The following ILRUN variants were observed in gnomAD, a reference collection of about 807,000 sequenced individuals.
ILRUN encodes protein ILRUN.
In ILRUN, 3 loss-of-function variants were observed where a neutral mutation model predicts 33.8. The ratio of observed to expected loss-of-function variants is 0.09; its 90% CI spans 0.04 to 0.23. The LOEUF is 0.23. Among genes scored for constraint, ILRUN ranks in the 10% least tolerant of loss-of-function variants. The pLI is 1.00. For missense variants in ILRUN, 210 were observed against 375.1 expected (o/e 0.56, Z 3.64); for synonymous variants, 124 against 138.9 (o/e 0.89, Z 0.75).
At chr6:34,609,610 C>T (rs1023470865) in intron 3 of ILRUN, among the ~76,000 whole-genome samples, 3 of 151,552 alleles carry the variant, frequency 2.0e-5, no homozygotes, top group Non-Finnish European at 4.4e-5. Context: ...GAGTGAGAGC[C>T]TATCTCCAAA....
At chr6:34,591,757 G>A (rs1357273074) in intron 4 of ILRUN, among the ~76,000 whole-genome samples, 2 of 152,198 alleles carry the variant, frequency 1.3e-5, no homozygotes, top group Admixed American at 6.5e-5. Flanking sequence ...CCAAAGTGCT[G>A]GGATTACAGG....
intron 1 of ILRUN, among the ~76,000 whole-genome samples, chr6:34,662,786 G>A (rs1562023305): frequency 6.6e-6 from 1 of 152,112 alleles, no homozygotes; most frequent in Admixed American, 6.6e-5. Context: ...CTTAAAAATC[G>A]GTAAGATGGG....
intron 3 of ILRUN, among the ~76,000 whole-genome samples, chr6:34,623,603 T>A (rs905873830): frequency 4.6e-5 from 7 of 152,196 alleles, no homozygotes; most frequent in African/African-American, 1.7e-4. Flanking sequence ...AGAACTTAAA[T>A]TACTAATTTA....
At position 34,599,157 on chromosome 6, in the gene ILRUN, C is replaced by G. The variant is rs141048006; in HGVS notation, c.861+7398G>C. 3.3e-5 allele frequency among the ~76,000 whole-genome samples: 5 copies of G among 152,334 alleles called. No homozygotes were observed. The East Asian group carries it at 9.6e-4, about 29-fold the overall frequency. On this transcript the variant is annotated intron_variant, in intron 4 of 4. Transcript: ENST00000374023. ...TAGACTCAAACTGGATCCCTGGGTT[C>G]CAGCCTGCAGCCCACCTTCAATTTG... is the stretch of plus-strand genomic sequence containing the variant.
rs1234843979 is a variant in ILRUN at position 34,592,574 on chromosome 6, ATTATTT to A, written c.862-1980_862-1975del. On this transcript the variant is annotated intron_variant, in intron 4 of 4. Coordinates refer to ENST00000374023, the MANE Select transcript of ILRUN (RefSeq NM_024294.4). The surrounding 1 kb of genome is among the most constrained non-coding windows in gnomAD (Gnocchi z 4.0). ...CGCAAAAGTAATTGCAGTTTTTGCC[ATTATTT>A]TTATTTTTATTTTTTATTTTTATTT... Among the ~76,000 whole-genome samples, 4 of 152,206 alleles carry A rather than the reference ATTATTT, an allele frequency of 2.6e-5. No homozygotes were observed. The highest frequency in any genetic ancestry group is 6.5e-5 in the Admixed American group (1 of 15,280).
intron 3 of ILRUN, among the ~76,000 whole-genome samples, chr6:34,607,581 T>A (rs527378229): frequency 5.3e-5 from 8 of 152,310 alleles, no homozygotes; most frequent in African/African-American, 1.9e-4. Flanking sequence ...CATTGCTTAA[T>A]GAAGAAGATA....
At chr6:34,645,006 C>T (rs1403026596) in intron 3 of ILRUN, among the ~76,000 whole-genome samples, 1 of 152,104 alleles carries the variant, frequency 6.6e-6, no homozygotes, top group East Asian at 1.9e-4. Flanking sequence ...AGTTTAGCTT[C>T]ATTACAGTAG....
In ILRUN at chr6:34,602,243, G is replaced by C. The variant is rs984102849; in HGVS notation, c.861+4312C>G. On this transcript the variant is annotated intron_variant, in intron 4 of 4. Coordinates refer to ENST00000374023, the MANE Select transcript of ILRUN (RefSeq NM_024294.4). ...TCCTTTAGTGAAAGAAAGCAAAGCA[G>C]GTAGCTGTCCTAAAGAACAGCCCCT... 3.3e-5 allele frequency among the ~76,000 whole-genome samples: 5 copies of C among 152,108 alleles called. No individual in the cohort carries two copies. In the South Asian group the frequency reaches 1.0e-3, roughly 32 times the overall value.
chr6:34,690,396 G>A (rs1004588962), intron 1 of ILRUN, among the ~76,000 whole-genome samples: 3 of 152,116 alleles, frequency 2.0e-5, no homozygotes, highest in Non-Finnish European at 4.4e-5. Context: ...AGGAGGCAGA[G>A]GTTGCAGTGA....
chr6:34,660,609 A>G (rs142614313), intron 1 of ILRUN, among the ~76,000 whole-genome samples: 35 of 152,264 alleles, frequency 2.3e-4, no homozygotes, highest in African/African-American at 8.4e-4. Flanking sequence ...TATTGCTACT[A>G]AAGCCATGTA....
chr6:34,614,402 A>T (rs990256956), intron 3 of ILRUN, among the ~76,000 whole-genome samples: 1 of 148,292 alleles, frequency 6.7e-6, no homozygotes. Flanking sequence ...AGCCTGGGCG[A>T]CAGAGCAAGA....
chr6:34,636,756 A>G lies in ILRUN; in HGVS notation c.511+9845T>C, dbSNP rs73411950. On this transcript the variant is annotated intron_variant, in intron 3 of 4. Coordinates refer to ENST00000374023, the MANE Select transcript of ILRUN (RefSeq NM_024294.4). ...CACATTAGTTTTATAGCATATACTG[A>G]TAATTTGAATAAAAGTCAATTATGC... 6.6e-3 allele frequency among the ~76,000 whole-genome samples: 1,003 copies of G among 152,348 alleles called. 11 individuals carry two copies. The highest frequency in any genetic ancestry group is 0.021 in the African/African-American group (856 of 41,584).
At chr6:34,605,645 A>AAAAAT (rs1176007238) in intron 4 of ILRUN, among the ~76,000 whole-genome samples, 6 of 152,206 alleles carry the variant, frequency 3.9e-5, no homozygotes, top group African/African-American at 1.2e-4. Flanking sequence ...AATAAAAAGT[A>AAAAAT]AAAATAAAAT....
intron 1 of ILRUN, among the ~76,000 whole-genome samples, chr6:34,655,788 G>A (rs1164256407): frequency 1.3e-5 from 2 of 151,988 alleles, no homozygotes; most frequent in Non-Finnish European, 2.9e-5. Flanking sequence ...GTACGCTAAT[G>A]GTCCCACCAA....
chr6:34,673,099 A>G (rs1404958683), intron 1 of ILRUN, among the ~76,000 whole-genome samples: 1 of 152,232 alleles, frequency 6.6e-6, no homozygotes, highest in African/African-American at 2.4e-5. Flanking sequence ...TCAACCTTAA[A>G]AAACTGCTCC....
chr6:34,692,573 G>A (rs1763669559), intron 1 of ILRUN, among the ~76,000 whole-genome samples: 1 of 152,090 alleles, frequency 6.6e-6, no homozygotes, highest in Admixed American at 6.6e-5. Flanking sequence ...GATTAAGTAT[G>A]CATGCATGCA....
intron 1 of ILRUN, among the ~76,000 whole-genome samples, chr6:34,669,235 T>TG (rs989578634): frequency 1.3e-5 from 2 of 151,728 alleles, no homozygotes; most frequent in African/African-American, 4.8e-5. Context: ...GTGATCCTCC[T>TG]GCCTCAGCCT....
intron 1 of ILRUN, among the ~76,000 whole-genome samples, chr6:34,677,377 A>G (rs565605353): frequency 6.6e-6 from 1 of 152,260 alleles, no homozygotes; most frequent in South Asian, 2.1e-4. Flanking sequence ...ATAGTGAAAA[A>G]AACAATAAAT....
At chr6:34,691,123 C>G (rs576611771) in intron 1 of ILRUN, among the ~76,000 whole-genome samples, 2 of 152,154 alleles carry the variant, frequency 1.3e-5, no homozygotes, top group Non-Finnish European at 2.9e-5. Flanking sequence ...CTCCTGACCT[C>G]ATGATCCGTC....
Sources: gnomAD v4.1 joint callset for allele counts (sites outside exome capture counted in the v4.1 genomes callset) on GRCh38, gnomAD v4.1.1 for gene constraint, Gnocchi (gnomAD v3.1) non-coding constraint, MANE v1.5 for transcripts, NCBI Gene and HGNC (gene_info 2026-07-23, HGNC 2026-07-21) for gene names.